CFAP92: variants seen among roughly 807,000 people sequenced by gnomAD.
The protein encoded by CFAP92 is uncharacterized protein CFAP92.
CFAP92 carries 86 observed loss-of-function variants against 106.3 expected under a neutral mutation model. The ratio of observed to expected loss-of-function variants is 0.81; its 90% confidence interval spans 0.68 to 0.97. The LOEUF (loss-of-function observed/expected upper bound fraction) is 0.97, where lower values mean the gene tolerates loss of function less well. Ranked by LOEUF, CFAP92 falls within the 50% of genes least tolerant of loss-of-function variation. The pLI is 0.00. For missense variants in CFAP92, 1,204 were observed against 1,283.8 expected (o/e 0.94, Z 0.95); for synonymous variants, 477 against 506.4 (o/e 0.94, Z 0.78).
intron 4 of CFAP92, among the ~76,000 whole-genome samples, chr3:128,982,802 TGGCCG>T (rs2107803677): frequency 6.6e-6 from 1 of 152,336 alleles, no homozygotes; most frequent in Admixed American, 6.5e-5. Context: ...GACAGGAGAA[TGGCCG>T]ATCACTGGAA....
upstream of CFAP92, among the ~76,000 whole-genome samples, chr3:129,007,132 C>T (rs762363796): frequency 8.2e-4 from 125 of 152,328 alleles, no homozygotes; most frequent in Middle Eastern, 3.4e-3. Flanking sequence ...ACCACAAGCT[C>T]AAGTTGGGTT....
chr3:128,951,572 GTCTT>G (rs1940809897), intron 9 of CFAP92, among the ~76,000 whole-genome samples: 2 of 152,134 alleles, frequency 1.3e-5, no homozygotes, highest in South Asian at 4.1e-4. Context: ...GGGATCCTGG[GTCTT>G]CTATTTGCCT....
At chr3:128,912,540 A>G (rs1480802171) in intron 15 of CFAP92, 2 of 1,613,946 alleles carry the variant, frequency 1.2e-6, no homozygotes, top group Middle Eastern at 1.6e-4. Flanking sequence ...CAGATTAAGA[A>G]AGTGTCCCAG....
intron 1 of CFAP92, among the ~76,000 whole-genome samples, chr3:129,001,131 T>C (rs1051606256): frequency 2.0e-5 from 3 of 152,122 alleles, no homozygotes; most frequent in Non-Finnish European, 4.4e-5. Flanking sequence ...CGCTTGGGTG[T>C]GGGGGCACAT....
Position 128,945,401 on chromosome 3 carries a change from C to T in CFAP92, c.1928G>A (p.Arg643Lys), listed in dbSNP as rs1343959245. ...KLRVDIAVPL[R>K]AGARAADPDL... is the part of the protein sequence containing the mutation. ...AGGATCAGCAGCTCTGGCCCCGGCC[C>T]TCAGTGGCACCGCGATGTCCACTCG... Residue 643 changes from arginine to lysine, a missense_variant, in exon 10 of 16, where the codon AGG (arginine) becomes AAG (lysine). Transcript: ENST00000645291. 2.0e-6 allele frequency: 3 copies of T among 1,536,160 alleles called. No homozygotes were observed. Among genetic ancestry groups the T allele is most frequent in the East Asian group, 4.9e-5 (2 of 40,918 alleles).
rs185098821 is a variant in CFAP92 at position 128,999,148 on chromosome 3, T to C, written n.117+3426A>G. Among the ~76,000 whole-genome samples the C allele has an allele frequency of 6.1e-3, 922 of 152,234 alleles. 3 individuals are homozygous for C. The highest frequency in any genetic ancestry group is 9.6e-3 in the Non-Finnish European group (656 of 68,010). ...TTTCTTTGCCACAGCCCTGACTCTC[T>C]CCCACACAGACACACGCCCATCCCC... On this transcript the variant is annotated intron_variant and non_coding_transcript_variant, in intron 1 of 4. Coordinates refer to the CFAP92 transcript ENST00000510149.
chr3:129,002,491 TC>T, intron 1 of CFAP92: 1 of 1,301,548 alleles, frequency 7.7e-7, no homozygotes, highest in Non-Finnish European at 9.9e-7. Context: ...CCCCTGTTCC[TC>T]CCCATTCCAC....
intron 10 of CFAP92, among the ~76,000 whole-genome samples, chr3:128,938,414 T>C (rs1409905855): frequency 6.6e-6 from 1 of 150,430 alleles, no homozygotes; most frequent in Non-Finnish European, 1.5e-5. Flanking sequence ...ACACCTAACA[T>C]CATAGATAGT....
In CFAP92 at chr3:128,938,019, G is replaced by A. The variant is rs549301704; in HGVS notation, c.2259-2700C>T. Among the ~76,000 whole-genome samples the A allele has an allele frequency of 7.9e-5, 12 of 152,030 alleles. No individual in the cohort carries two copies. The South Asian group carries it at 1.7e-3, about 21-fold the overall frequency. ...GCAGAGGTTGCAGTGAGCCGAGATC[G>A]CACCATTGCACTCCAGCCTGGGCAA... On this transcript the variant is annotated intron_variant, in intron 10 of 15. Transcript: ENST00000645291.
chr3:128,978,220 A>C (rs369373228), intron 4 of CFAP92, 35 bp from the exon 5 acceptor site: 4 of 1,597,740 alleles, frequency 2.5e-6, no homozygotes, highest in Non-Finnish European at 3.4e-6. Flanking sequence ...CATTGACTCA[A>C]TCAATCCAAA....
chr3:128,992,492 G>T (rs545835995), intron 2 of CFAP92, among the ~76,000 whole-genome samples: 157 of 152,204 alleles, frequency 1.0e-3, no homozygotes, highest in South Asian at 6.4e-3. Context: ...AACCCGGAAG[G>T]CTGAGGTTGC....
rs139046428 is a variant in CFAP92 at position 128,961,924 on chromosome 3, G to A, written c.1353+3587C>T. Among the ~76,000 whole-genome samples, 682 of 152,182 alleles carry A rather than the reference G, an allele frequency of 4.5e-3. 2 individuals carry two copies. The highest frequency in any genetic ancestry group is 0.015 in the African/African-American group (622 of 41,510). On this transcript the variant is annotated intron_variant, in intron 9 of 15. Transcript: ENST00000645291. Reference sequence around the variant, plus strand: ...CTCCAGCACACAAGAACTTCCAAACGCCTGAACCGCAGTGGCCAGGTGTTC... The same window carrying A: ...CTCCAGCACACAAGAACTTCCAAACACCTGAACCGCAGTGGCCAGGTGTTC...
intron 9 of CFAP92, among the ~76,000 whole-genome samples, chr3:128,952,074 G>A (rs1940861519): frequency 6.6e-6 from 1 of 151,684 alleles, no homozygotes; most frequent in Non-Finnish European, 1.5e-5. Flanking sequence ...TACACATGCA[G>A]TTTGGTGTTG....
At chr3:128,968,343 A>G (rs148477473) in intron 8 of CFAP92, 5 of 152,364 alleles carry the variant, frequency 3.3e-5, no homozygotes, top group African/African-American at 1.2e-4. Context: ...ATATTTACTA[A>G]TAAGGTATAC....
intron 11 of CFAP92, among the ~76,000 whole-genome samples, chr3:128,933,781 T>C (rs957952137): frequency 6.6e-6 from 1 of 152,126 alleles, no homozygotes; most frequent in Non-Finnish European, 1.5e-5. Context: ...CAGGACCGGG[T>C]CTGGCCTCCT....
chr3:129,014,429 C>A, the CFAP92 span, among the ~76,000 whole-genome samples: 24,951 of 152,202 alleles, frequency 0.16, 6,065 homozygotes, highest in African/African-American at 0.53. This position sits in a 1 kb window ranked among gnomAD's most constrained non-coding sequence, Gnocchi z 4.3. Context: ...GGGCTGGCAG[C>A]CAGGGCCGCC....
chr3:128,990,859 T>C (rs757552245), intron 2 of CFAP92, among the ~76,000 whole-genome samples: 6 of 152,162 alleles, frequency 3.9e-5, no homozygotes, highest in Non-Finnish European at 8.8e-5. Context: ...ATTGTGCCAC[T>C]GAACTCCAGT....
At chr3:128,916,039 G>A in intron 13 of CFAP92, 68 bp downstream of exon 13, 1 of 1,133,092 alleles carries the variant, frequency 8.8e-7, no homozygotes, top group Non-Finnish European at 1.1e-6. Context: ...TGACCTCCAG[G>A]CAGGCATGGT....
chr3:129,024,789 C>T, the CFAP92 span, among the ~76,000 whole-genome samples: 1 of 151,348 alleles, frequency 6.6e-6, no homozygotes, highest in Non-Finnish European at 1.5e-5. Context: ...GGCCCCACCT[C>T]TCTACACTGT....
Sources: allele counts gnomAD v4.1 joint callset (sites outside exome capture counted in the v4.1 genomes callset), GRCh38; gene constraint gnomAD v4.1.1; non-coding constraint Gnocchi (gnomAD v3.1); transcripts MANE v1.5; gene names NCBI Gene and HGNC (gene_info 2026-07-23, HGNC 2026-07-21).